ADAM18: variants seen among roughly 807,000 people sequenced by gnomAD.
ADAM18 encodes the protein ADAM metallopeptidase domain 18.
Under a neutral mutation model 94.4 loss-of-function variants are expected in ADAM18, and 117 were observed. The observed-to-expected ratio is 1.24, with a 90% confidence interval of 1.07 to 1.45. The LOEUF (loss-of-function observed/expected upper bound fraction) is 1.45. ADAM18 is among the 40% of genes most tolerant of loss of function. The pLI is 0.00. For synonymous variants in ADAM18, 327 were observed against 291.6 expected, an observed-to-expected ratio of 1.12 and a Z score of -1.24; for missense variants, 936 against 880.0, an observed-to-expected ratio of 1.06 and a Z score of -0.81.
rs1157904458 is a variant in ADAM18 at position 39,680,150 on chromosome 8, C to T, written c.1745C>T (p.Ala582Val). Reference sequence around the variant, plus strand: ...CAAGACCATGTATGTGTATCTATAGCCACTGGTTCCTCCATGAGATCAGAT... The same window carrying T: ...CAAGACCATGTATGTGTATCTATAGTCACTGGTTCCTCCATGAGATCAGAT... ...YIQDHVCVSI[A>V]TGSSMRSDGT... Residue 582 changes from alanine (A) to valine (V), a missense_variant, in exon 16 of 20, where the codon GCC becomes GTC. Coordinates refer to ENST00000265707, the MANE Select transcript of ADAM18 (RefSeq NM_014237.3). 6.2e-7 allele frequency: 1 copy of T among 1,613,748 alleles called. No homozygotes were observed. The highest frequency in any genetic ancestry group is 8.5e-7 in the Non-Finnish European group (1 of 1,179,826).
chr8:39,592,409 A>G (rs1318732550), intron 2 of ADAM18, among the ~76,000 whole-genome samples: 1 of 152,200 alleles, frequency 6.6e-6, no homozygotes, highest in African/African-American at 2.4e-5. Flanking sequence ...TTGCAGCACT[A>G]TTCACCATAA....
At chr8:39,656,704 A>G (rs1361669052) in intron 12 of ADAM18, among the ~76,000 whole-genome samples, 3 of 152,200 alleles carry the variant, frequency 2.0e-5, no homozygotes, top group Non-Finnish European at 2.9e-5. Flanking sequence ...ACTCAGATAA[A>G]GAATACATAT....
intron 2 of ADAM18, among the ~76,000 whole-genome samples, chr8:39,589,796 A>G (rs1428873188): frequency 1.3e-5 from 2 of 152,198 alleles, no homozygotes; most frequent in South Asian, 2.1e-4. Context: ...ATATTTTAAA[A>G]TGAATGCCAT....
chr8:39,594,510 A>T (rs1291433244), intron 2 of ADAM18, among the ~76,000 whole-genome samples: 2 of 151,982 alleles, frequency 1.3e-5, no homozygotes, highest in Non-Finnish European at 2.9e-5. Flanking sequence ...TTTGTATGAG[A>T]CAAATTCTCT....
intron 19 of ADAM18, among the ~76,000 whole-genome samples, chr8:39,725,869 A>G (rs1023721576): frequency 6.6e-6 from 1 of 152,206 alleles, no homozygotes; most frequent in Admixed American, 6.5e-5. Flanking sequence ...ATTCATACCC[A>G]GAAGTGAGGT....
In ADAM18 at chr8:39,661,207, C is replaced by T. The variant is rs1820826539; in HGVS notation, c.1231-2588C>T. The stretch of plus-strand genomic sequence containing the variant: ...TCGGTTTGTCGCCCAGGCTGGAGTG[C>T]AGTGGTGCGATATCGGCTCACTGCA... On this transcript the variant is annotated intron_variant, in intron 12 of 19. Coordinates refer to ENST00000265707, the MANE Select transcript of ADAM18 (RefSeq NM_014237.3). Among the ~76,000 whole-genome samples the T allele has an allele frequency of 4.4e-5, 6 of 135,814 alleles. No homozygotes were observed. In the South Asian group the frequency reaches 1.4e-3, roughly 31 times the overall value. 89.1% of individuals were successfully genotyped at this position (135,814 alleles called of 152,430 possible).
chr8:39,652,816 G>A (rs1461114067), intron 12 of ADAM18, among the ~76,000 whole-genome samples: 2 of 152,046 alleles, frequency 1.3e-5, no homozygotes, highest in South Asian at 2.1e-4. Flanking sequence ...TAAAAATCTG[G>A]TAGAGATACA....
In ADAM18 at chr8:39,635,214, C is replaced by T. The variant is rs573833780; in HGVS notation, c.589-2050C>T. On this transcript the variant is annotated intron_variant, in intron 7 of 19. Coordinates refer to ENST00000265707, the MANE Select transcript of ADAM18 (RefSeq NM_014237.3). ...ATAGATTTCTCTTTTTTATAATACC[C>T]AGTCTGTGTTATTCTTTTGTAGCAG... Among the ~76,000 whole-genome samples, 3 of 152,292 alleles carry T rather than the reference C, an allele frequency of 2.0e-5. No individual in the cohort carries two copies. The East Asian group carries it at 5.8e-4, about 29-fold the overall frequency.
intron 9 of ADAM18, 36 bp from the exon 10 acceptor site, chr8:39,638,429 G>T (rs763952989): frequency 1.1e-5 from 15 of 1,380,382 alleles, no homozygotes; most frequent in Non-Finnish European, 1.4e-5. Context: ...AAATTGTTTT[G>T]CATAACTACG....
chr8:39,680,218 C>T lies in ADAM18; in HGVS notation c.1813C>T (p.Pro605Ser). The T allele has an allele frequency of 6.2e-7, 1 of 1,608,182 alleles. No homozygotes were observed. Among genetic ancestry groups the T allele is most frequent in the East Asian group, 2.2e-5 (1 of 44,788 alleles). Residue 605 changes from proline to serine, a missense_variant, in exon 16 of 20, where the codon CCA becomes TCA. By Grantham distance (74) the Pro-to-Ser change is moderately conservative. Coordinates refer to ENST00000265707, the MANE Select transcript of ADAM18 (RefSeq NM_014237.3). ...AYVADGTMCGPEMYCVNKTCR... is the reference protein window; with the variant it reads ...AYVADGTMCGSEMYCVNKTCR... ...TGTGGCTGATGGCACCATGTGTGGT[C>T]CAGAAATGGTAACAAAATGTGATAA... is the stretch of plus-strand genomic sequence containing the variant.
intron 11 of ADAM18, among the ~76,000 whole-genome samples, chr8:39,647,780 C>T (rs757682285): frequency 1.3e-5 from 2 of 152,278 alleles, no homozygotes; most frequent in Non-Finnish European, 2.9e-5. Context: ...TAACAAGGCA[C>T]GTCCTGCACA....
intron 16 of ADAM18, among the ~76,000 whole-genome samples, chr8:39,687,733 G>C (rs1821647419): frequency 6.6e-6 from 1 of 152,050 alleles, no homozygotes; most frequent in African/African-American, 2.4e-5. Flanking sequence ...TTAGTTTTCT[G>C]TTCCTGCATT....
At chr8:39,696,300 TGTGATTTGC>T (rs755513941) in intron 17 of ADAM18, among the ~76,000 whole-genome samples, 47,674 of 150,630 alleles carry the variant, frequency 0.32, 8,334 homozygotes, top group East Asian at 0.75. Context: ...TTATCATATA[TGTGATTTGC>T]TATTTTTCCA....
intron 12 of ADAM18, among the ~76,000 whole-genome samples, chr8:39,660,102 G>A (rs1276625124): frequency 3.3e-5 from 5 of 151,872 alleles, no homozygotes. Context: ...ACTATGGCAG[G>A]TGCACAAATG....
At chr8:39,710,824 A>T (rs892065046) in intron 18 of ADAM18, among the ~76,000 whole-genome samples, 3 of 152,232 alleles carry the variant, frequency 2.0e-5, no homozygotes, top group Admixed American at 2.0e-4. Context: ...AGCAGAAAAT[A>T]ACTAGGAATT....
intron 12 of ADAM18, among the ~76,000 whole-genome samples, chr8:39,653,193 G>A (rs1342908265): frequency 2.0e-5 from 3 of 152,196 alleles, no homozygotes; most frequent in South Asian, 4.1e-4. Flanking sequence ...GTGTGTCAAC[G>A]CATGTGTTAA....
intron 12 of ADAM18, among the ~76,000 whole-genome samples, chr8:39,649,583 A>G (rs1324114480): frequency 6.6e-6 from 1 of 152,176 alleles, no homozygotes; most frequent in Non-Finnish European, 1.5e-5. Context: ...GGTTTCTACA[A>G]CTATAGAATG....
chr8:39,616,314 G>A (rs779842184), intron 6 of ADAM18, among the ~76,000 whole-genome samples: 6 of 152,102 alleles, frequency 3.9e-5, no homozygotes, highest in Non-Finnish European at 7.4e-5. Context: ...AAAGGCTGAG[G>A]CAGGAGAATC....
rs1420380869 is a variant in ADAM18, at chr8:39,645,418, T to C, written c.990T>C (p.Asp330=). Residue 330 remains aspartate (D), a synonymous_variant, in exon 11 of 20, where the codon GAT becomes GAC. Transcript: ENST00000265707. ...GCCTTAATGTAGGATTAACATATGATGACATCACTCAGTGTTTCTGTCTGA... is the reference window on the plus strand; with the variant it reads ...GCCTTAATGTAGGATTAACATATGACGACATCACTCAGTGTTTCTGTCTGA... ...LLGLNVGLTY[D]DITQCFCLRA... 1 of 1,612,694 alleles carries C rather than the reference T, an allele frequency of 6.2e-7. No homozygotes were observed. The highest frequency in any genetic ancestry group is 8.5e-7 in the Non-Finnish European group (1 of 1,179,354).
Sources: allele counts gnomAD v4.1 joint callset (sites outside exome capture counted in the v4.1 genomes callset), GRCh38; gene constraint gnomAD v4.1.1; transcripts MANE v1.5; gene names NCBI Gene and HGNC (gene_info 2026-07-23, HGNC 2026-07-21).